FAM24A: variants seen among roughly 807,000 people sequenced by gnomAD.
FAM24A encodes family with sequence similarity 24 member A.
Under a neutral mutation model 2.8 loss-of-function variants are expected in FAM24A, and 2 were observed. That is an observed-to-expected ratio of 0.73 (90% CI 0.30 to 2.28). FAM24A has a LOEUF of 2.28. FAM24A is among the 30% of genes most tolerant of loss of function. The probability of loss-of-function intolerance (pLI) is 0.12; values close to 1 mark genes in which losing one functional copy is unlikely to be tolerated. For synonymous variants in FAM24A, 46 were observed against 47.5 expected (o/e 0.97, Z 0.13); for missense variants, 109 against 132.0 (o/e 0.83, Z 0.85).
chr10:122,912,867 A>G lies in FAM24A; in HGVS notation c.231A>G (p.Pro77=). 1.2e-6 allele frequency: 2 copies of G among 1,614,168 alleles called. No individual in the cohort carries two copies. Among genetic ancestry groups the G allele is most frequent in the Non-Finnish European group, 1.7e-6 (2 of 1,180,036 alleles). The part of the protein sequence containing the change: ...QAKATTMESC[P]SLQCCEGCRM... ...AAGCCACCACCATGGAGTCTTGTCC[A>G]TCTCTCCAGTGCTGTGAAGGTTGTA... The change falls in exon 3 of 3, where the codon CCA becomes CCG. Residue 77 remains proline, a synonymous_variant. Coordinates refer to ENST00000368894, the MANE Select transcript of FAM24A (RefSeq NM_001029888.3).
intron 2 of FAM24A, 104 bp from the exon 3 acceptor site, chr10:122,912,658 T>G (rs1279571800): frequency 2.8e-6 from 3 of 1,090,206 alleles, no homozygotes; most frequent in Non-Finnish European, 4.0e-6. Flanking sequence ...GGTGTTCATG[T>G]TTGATTGGCT....
Position 122,912,782 on chromosome 10 carries a change from C to T in FAM24A, c.146C>T (p.Ala49Val), listed in dbSNP as rs369798021. 1 of 1,613,292 alleles carries T rather than the reference C, an allele frequency of 6.2e-7. No homozygotes were observed. The highest frequency in any genetic ancestry group is 1.7e-5 in the Admixed American group (1 of 59,818). ...KALKAAKDPD[A>V]VAVKNHNPDK... ...TTAAGAGCTGCAAAGGACCCTGATG[C>T]TGTGGCTGTAAAAAATCACAACCCA... Residue 49 changes from alanine (A) to valine (V), a missense_variant, in exon 3 of 3, where the codon GCT becomes GTT. Transcript: ENST00000368894.
In FAM24A at chr10:122,912,805, C is replaced by A. The variant is rs1848332704; in HGVS notation, c.169C>A (p.Pro57Thr). The change falls in exon 3 of 3, where the codon CCA becomes ACA. Residue 57 changes from proline (P) to threonine (T), a missense_variant. Physicochemically the swap from Pro to Thr is conservative, Grantham distance 38. Transcript: ENST00000368894. ...TGCTGTGGCTGTAAAAAATCACAAC[C>A]CAGACAAGGTGTGTTGGGCCACGAA... Reference protein sequence around the residue: ...PDAVAVKNHNPDKVCWATNSQ... With the variant: ...PDAVAVKNHNTDKVCWATNSQ... 3.7e-6 allele frequency: 6 copies of A among 1,613,828 alleles called. No individual in the cohort carries two copies. Among genetic ancestry groups the A allele is most frequent in the Non-Finnish European group, 5.1e-6 (6 of 1,179,978 alleles).
Position 122,910,637 on chromosome 10 carries a change from C to A in FAM24A, c.-185C>A, listed in dbSNP as rs1033529753. 3.3e-5 allele frequency: 5 copies of A among 152,200 alleles called. No homozygotes were observed. Among genetic ancestry groups the A allele is most frequent in the African/African-American group, 1.2e-4 (5 of 41,446 alleles). 9.4% of individuals were successfully genotyped at this position (152,200 alleles called of 1,614,324 possible). ...TCTACCAGCTCTGGCTGAGCCTGAG[C>A]TTCCAAAAGTGAGCTGAGCTGTTCA... On this transcript the variant is annotated 5_prime_UTR_variant, in exon 1 of 3. Transcript: ENST00000368894.
intron 2 of FAM24A, 143 bp downstream of exon 2, chr10:122,911,902 A>G: frequency 9.3e-7 from 1 of 1,077,312 alleles, no homozygotes; most frequent in Non-Finnish European, 1.3e-6. Flanking sequence ...GAAAAGGCAG[A>G]AATGGCAGCT....
chr10:122,911,995 G>A (rs1392094876), intron 2 of FAM24A, among the ~76,000 whole-genome samples: 1 of 152,208 alleles, frequency 6.6e-6, no homozygotes, highest in Non-Finnish European at 1.5e-5. Context: ...GTGCTTGGCT[G>A]TCACTGGACC....
intron 1 of FAM24A, 85 bp from the exon 2 acceptor site, chr10:122,911,548 T>C: frequency 6.4e-7 from 1 of 1,564,836 alleles, no homozygotes; most frequent in South Asian, 1.2e-5. Context: ...TGTCTGGGGT[T>C]CACTCTTCCT....
intron 2 of FAM24A, 64 bp from the exon 3 acceptor site, chr10:122,912,698 C>T: frequency 3.3e-6 from 5 of 1,502,222 alleles, no homozygotes; most frequent in Non-Finnish European, 4.5e-6. Flanking sequence ...ATACCCCCAA[C>T]AATTCTAACA....
chr10:122,911,677 A>G lies in FAM24A; in HGVS notation c.43A>G (p.Ile15Val), dbSNP rs1428613882. Residue 15 changes from isoleucine (I) to valine (V), a missense_variant, in exon 2 of 3, where the codon ATC becomes GTC. Ile to Val is a conservative substitution (Grantham distance 29). Coordinates refer to ENST00000368894, the MANE Select transcript of FAM24A (RefSeq NM_001029888.3). Reference sequence around the variant, plus strand: ...TCTCAGGACGAAGATCATGATCGGCATCGGAAGCAGCTTACTGGTTGCCGC... The same window carrying G: ...TCTCAGGACGAAGATCATGATCGGCGTCGGAAGCAGCTTACTGGTTGCCGC... The part of the protein sequence containing the change: ...FDLRTKIMIG[I>V]GSSLLVAAMV... The G allele has an allele frequency of 4.5e-5, 73 of 1,614,036 alleles. No homozygotes were observed. Among genetic ancestry groups the G allele is most frequent in the Non-Finnish European group, 6.2e-5 (73 of 1,180,036 alleles).
At position 122,911,692 on chromosome 10, in the gene FAM24A, C is replaced by CTTCCGA; in HGVS notation, c.59_60insTCCGAT (p.Leu20_Val21insProMet). On this transcript the variant is annotated inframe_insertion, in exon 2 of 3. Transcript: ENST00000368894. Reference sequence around the variant, plus strand: ...CATGATCGGCATCGGAAGCAGCTTACTGGTTGCCGCGATGGTGCTCCTAAG... The same window carrying CTTCCGA: ...CATGATCGGCATCGGAAGCAGCTTACTTCCGATGGTTGCCGCGATGGTGCTCCTAAG... The CTTCCGA allele has an allele frequency of 6.2e-7, 1 of 1,614,172 alleles. No individual in the cohort carries two copies. The highest frequency in any genetic ancestry group is 8.5e-7 in the Non-Finnish European group (1 of 1,180,026).
Position 122,910,829 on chromosome 10 carries a change from C to T in FAM24A, c.-3+10C>T, listed in dbSNP as rs1848311690. 6.6e-6 allele frequency: 1 copy of T among 152,180 alleles called. No individual in the cohort carries two copies. The highest frequency in any genetic ancestry group is 6.5e-5 in the Admixed American group (1 of 15,288). The allele number at this position is 152,180 out of a possible 1,614,324, so 9.4% of individuals were successfully genotyped here. ...GGATGGTTGAACTGTAGTAAGTATG[C>T]TTAGCTATCAGATTGGTTATTCTTC... On this transcript the variant is annotated intron_variant, in intron 1 of 2. Transcript: ENST00000368894.
In FAM24A at chr10:122,911,699, C is replaced by T. The variant is rs1848321018; in HGVS notation, c.65C>T (p.Ala22Val). Residue 22 changes from alanine to valine, a missense_variant, in exon 2 of 3, where the codon GCC (alanine) becomes GTC (valine). Coordinates refer to ENST00000368894, the MANE Select transcript of FAM24A (RefSeq NM_001029888.3). ...MIGIGSSLLV[A>V]AMVLLSVVFC... ...GGCATCGGAAGCAGCTTACTGGTTG[C>T]CGCGATGGTGCTCCTAAGTGTTGTG... 1 of 1,614,114 alleles carries T rather than the reference C, an allele frequency of 6.2e-7. No homozygotes were observed. The highest frequency in any genetic ancestry group is 1.1e-5 in the South Asian group (1 of 91,082).
chr10:122,913,062 T>C lies in FAM24A; in HGVS notation c.*108T>C. ...AGTGTTTACATACTATTATATAATG[T>C]ACAGTGTTATTTTCTGTACTTCTGA... On this transcript the variant is annotated 3_prime_UTR_variant, in exon 3 of 3. Transcript: ENST00000368894. The C allele has an allele frequency of 2.1e-6, 2 of 949,546 alleles. No individual in the cohort carries two copies. The highest frequency in any genetic ancestry group is 3.0e-6 in the Non-Finnish European group (2 of 664,076). 58.8% of individuals were successfully genotyped at this position (949,546 alleles called of 1,614,324 possible).
chr10:122,912,772 G>A lies in FAM24A; in HGVS notation c.136G>A (p.Asp46Asn), dbSNP rs377478031. Residue 46 changes from aspartate to asparagine, a missense_variant, in exon 3 of 3, where the codon GAC becomes AAC. By Grantham distance (23) the Asp-to-Asn change is conservative. Coordinates refer to ENST00000368894, the MANE Select transcript of FAM24A (RefSeq NM_001029888.3). ...KVAKALKAAK[D>N]PDAVAVKNHN... ...GTGTCTTTTCTTAAGAGCTGCAAAG[G>A]ACCCTGATGCTGTGGCTGTAAAAAA... 2 of 1,611,376 alleles carry A rather than the reference G, an allele frequency of 1.2e-6. No homozygotes were observed. Among genetic ancestry groups the A allele is most frequent in the Non-Finnish European group, 1.7e-6 (2 of 1,179,338 alleles).
rs756645279 is a variant in FAM24A, at chr10:122,912,891, T to C, written c.255T>C (p.Cys85=). The change falls in exon 3 of 3, where the codon TGT becomes TGC. Residue 85 remains cysteine, a synonymous_variant. Transcript: ENST00000368894. ...SCPSLQCCEG[C]RMHASSDSLP... ...CATCTCTCCAGTGCTGTGAAGGTTG[T>C]AGAATGCATGCCAGTTCTGATTCCC... The C allele has an allele frequency of 1.9e-6, 3 of 1,614,010 alleles. No individual in the cohort carries two copies. The African/African-American group carries it at 4.0e-5, about 22-fold the overall frequency.
rs375448365 is a variant in FAM24A, at chr10:122,911,621, C to G, written c.-2-12C>G. The G allele has an allele frequency of 1.3e-5, 21 of 1,612,870 alleles. No homozygotes were observed. The African/African-American group carries it at 2.7e-4, about 21-fold the overall frequency. ...GAAGGCCACGTTCTGCTTCCCTGCA[C>G]TTTCTCCTTAGGCATGGCAAAGATG... On this transcript the variant is annotated splice_polypyrimidine_tract_variant and intron_variant, in intron 1 of 2. Transcript: ENST00000368894.
Position 122,912,890 on chromosome 10 carries a change from G to A in FAM24A, c.254G>A (p.Cys85Tyr), listed in dbSNP as rs1564715078. ...CCATCTCTCCAGTGCTGTGAAGGTT[G>A]TAGAATGCATGCCAGTTCTGATTCC... ...SCPSLQCCEG[C>Y]RMHASSDSLP... is the part of the protein sequence containing the mutation. Residue 85 changes from cysteine (C) to tyrosine (Y), a missense_variant, in exon 3 of 3, where the codon TGT (cysteine) becomes TAT (tyrosine). Physicochemically the swap from Cys to Tyr is radical, Grantham distance 194. Coordinates refer to ENST00000368894, the MANE Select transcript of FAM24A (RefSeq NM_001029888.3). The A allele has an allele frequency of 1.9e-6, 3 of 1,614,136 alleles. No homozygotes were observed. Among genetic ancestry groups the A allele is most frequent in the Non-Finnish European group, 2.5e-6 (3 of 1,180,004 alleles).
At chr10:122,911,490 G>A in intron 1 of FAM24A, 143 bp from the exon 2 acceptor site, 1 of 1,251,198 alleles carries the variant, frequency 8.0e-7, no homozygotes, top group South Asian at 1.5e-5. Context: ...CCCTGGACCA[G>A]CTTAGGATCC....
At chr10:122,911,449 T>C (rs574276838) in intron 1 of FAM24A, among the ~76,000 whole-genome samples, 184 bp from the exon 2 acceptor site, 1 of 152,286 alleles carries the variant, frequency 6.6e-6, no homozygotes, top group African/African-American at 2.4e-5. Context: ...TTTAAGTCCA[T>C]TTTTACCCAT....
Sources: gnomAD v4.1 joint callset for allele counts (sites outside exome capture counted in the v4.1 genomes callset) on GRCh38, gnomAD v4.1.1 for gene constraint, MANE v1.5 for transcripts, NCBI Gene and HGNC (gene_info 2026-07-23, HGNC 2026-07-21) for gene names.